The following AAK1 variants were observed in gnomAD, a reference collection of about 807,000 sequenced individuals.
AAK1 encodes the protein AP2 associated kinase 1.
In AAK1, 37 loss-of-function variants were observed where a neutral mutation model predicts 116.0. The observed-to-expected ratio is 0.32, with a 90% CI of 0.25 to 0.42. AAK1 has a LOEUF of 0.42. AAK1 is among the 10% of genes least tolerant of loss of function. The probability of loss-of-function intolerance (pLI) is 1.00; values close to 1 mark genes in which losing one functional copy is unlikely to be tolerated. For synonymous variants in AAK1, 458 were observed against 439.9 expected (o/e 1.04, Z -0.51); for missense variants, 919 against 1,170.6 (o/e 0.79, Z 3.14).
At chr2:69,567,015 A>C (rs1024061845) in intron 2 of AAK1, among the ~76,000 whole-genome samples, 1 of 151,966 alleles carries the variant, frequency 6.6e-6, no homozygotes, top group African/African-American at 2.4e-5. Flanking sequence ...TTAGAATAAA[A>C]CTCCAAATAC....
chr2:69,640,164 T>C (rs1049020619), intron 2 of AAK1, among the ~76,000 whole-genome samples: 3 of 151,948 alleles, frequency 2.0e-5, no homozygotes, highest in Admixed American at 2.0e-4. Flanking sequence ...ATGTTAATTA[T>C]ATATATTGCC....
intron 12 of AAK1, among the ~76,000 whole-genome samples, chr2:69,517,223 A>T (rs965441160): frequency 1.3e-5 from 2 of 152,222 alleles, no homozygotes; most frequent in Non-Finnish European, 2.9e-5. Context: ...GAAAGAATCA[A>T]GTGTTTTTCC....
At position 69,469,681 on chromosome 2, in the gene AAK1, A is replaced by T; in HGVS notation, c.*6188T>A. ...GGCTTCATAGTCTGCACAGGGTCTT[A>T]CTTATCATAGAGCCTAACGTAGGGT... On this transcript the variant is annotated 3_prime_UTR_variant, in exon 22 of 22. Transcript: ENST00000409085. 1 of 985,454 alleles carries T rather than the reference A, an allele frequency of 1.0e-6. No homozygotes were observed. Among genetic ancestry groups the T allele is most frequent in the Non-Finnish European group, 1.2e-6 (1 of 829,940 alleles). 61.0% of individuals were successfully genotyped at this position (985,454 alleles called of 1,614,324 possible).
intron 18 of AAK1, 137 bp downstream of exon 18, chr2:69,482,574 A>T: frequency 6.5e-6 from 5 of 764,910 alleles, no homozygotes; most frequent in Non-Finnish European, 1.2e-5. Flanking sequence ...ATTTGGAGTG[A>T]TACAAGTGAG....
intron 17 of AAK1, among the ~76,000 whole-genome samples, chr2:69,493,356 C>A (rs1675616656): frequency 6.6e-6 from 1 of 151,748 alleles, no homozygotes; most frequent in Non-Finnish European, 1.5e-5. Context: ...TCTCATCAGC[C>A]CAGGGACTGG....
chr2:69,557,636 C>T (rs1370186641), intron 2 of AAK1, among the ~76,000 whole-genome samples: 1 of 152,136 alleles, frequency 6.6e-6, no homozygotes, highest in Non-Finnish European at 1.5e-5. Flanking sequence ...TAACACAGTT[C>T]TGTGAGATTG....
At chr2:69,599,434 T>C (rs974751331) in intron 2 of AAK1, among the ~76,000 whole-genome samples, 2 of 151,792 alleles carry the variant, frequency 1.3e-5, no homozygotes, top group East Asian at 3.9e-4. Flanking sequence ...ATTTCAACTG[T>C]TTTTGGTCAT....
chr2:69,518,169 A>G (rs1025254859), intron 12 of AAK1, among the ~76,000 whole-genome samples: 1 of 152,164 alleles, frequency 6.6e-6, no homozygotes, highest in African/African-American at 2.4e-5. Context: ...CATTCATAGT[A>G]AAAAATGTGA....
At chr2:69,599,379 TAAAAAAAAA>T (rs34685588) in intron 2 of AAK1, among the ~76,000 whole-genome samples, 1 of 103,562 alleles carries the variant, frequency 9.7e-6, no homozygotes, top group Admixed American at 1.0e-4. Flanking sequence ...TAGTTCTGTG[TAAAAAAAAA>T]AAAAAAAAAA....
At chr2:69,581,905 C>T (rs1286173368) in intron 2 of AAK1, among the ~76,000 whole-genome samples, 5 of 151,938 alleles carry the variant, frequency 3.3e-5, no homozygotes, top group Non-Finnish European at 7.4e-5. Context: ...TTGCTTGAGC[C>T]CAGGTGGTTG....
chr2:69,473,613 T>C lies in AAK1; in HGVS notation c.*2256A>G, dbSNP rs1674752719. 1 of 984,614 alleles carries C rather than the reference T, an allele frequency of 1.0e-6. No homozygotes were observed. Among genetic ancestry groups the C allele is most frequent in the Non-Finnish European group, 1.2e-6 (1 of 828,950 alleles). The allele number at this position is 984,614 out of a possible 1,614,324, so 61.0% of individuals were successfully genotyped here. The stretch of plus-strand genomic sequence containing the variant: ...CAAATGACTAGATAATATATTTCAA[T>C]GTAATTATGGGTAATATATGAAAAG... On this transcript the variant is annotated 3_prime_UTR_variant, in exon 22 of 22. Transcript: ENST00000409085.
chr2:69,504,326 A>C (rs2104955875), intron 16 of AAK1, among the ~76,000 whole-genome samples: 1 of 142,222 alleles, frequency 7.0e-6, no homozygotes, highest in African/African-American at 2.6e-5. Flanking sequence ...TGAACCTGGG[A>C]GGCAGAGTTT....
intron 17 of AAK1, among the ~76,000 whole-genome samples, chr2:69,493,309 G>C (rs1383869818): frequency 6.6e-6 from 1 of 151,996 alleles, no homozygotes; most frequent in East Asian, 1.9e-4. Context: ...CACCGTGAAA[G>C]GACGGGGCTA....
intron 2 of AAK1, among the ~76,000 whole-genome samples, chr2:69,625,486 C>G (rs6722140): frequency 3.9e-5 from 6 of 152,188 alleles, no homozygotes; most frequent in Admixed American, 3.3e-4. Flanking sequence ...TAAAAATTAA[C>G]GAACCATAAG....
Position 69,500,698 on chromosome 2 carries a change from T to TATATATACAC in AAK1, c.2270-4619_2270-4618insGTGTATATAT. On this transcript the variant is annotated intron_variant, in intron 16 of 21. Coordinates refer to ENST00000409085, the MANE Select transcript of AAK1 (RefSeq NM_014911.5). ...ATATATATATATATATATATATATATACACACACACACACACACACACACA... is the reference window on the plus strand; with the variant it reads ...ATATATATATATATATATATATATATATATATACACACACACACACACACACACACACACA... 2.8e-3 allele frequency among the ~76,000 whole-genome samples: 183 copies of TATATATACAC among 65,062 alleles called. 3 individuals are homozygous for TATATATACAC. Among genetic ancestry groups the TATATATACAC allele is most frequent in the Admixed American group, 4.4e-3 (21 of 4,810 alleles). The allele number at this position is 65,062 out of a possible 152,430, so 42.7% of individuals were successfully genotyped here.
intron 16 of AAK1, among the ~76,000 whole-genome samples, chr2:69,504,221 A>T (rs1676088083): frequency 6.7e-6 from 1 of 150,202 alleles, no homozygotes; most frequent in Non-Finnish European, 1.5e-5. Context: ...ACATGGTGAA[A>T]CTCCATCTCT....
At chr2:69,579,406 C>T (rs1008598160) in intron 2 of AAK1, among the ~76,000 whole-genome samples, 1 of 152,070 alleles carries the variant, frequency 6.6e-6, no homozygotes, top group African/African-American at 2.4e-5. Flanking sequence ...TGGAGAGACC[C>T]CATCTCTACA....
At chr2:69,524,968 C>T in intron 10 of AAK1, 65 bp downstream of exon 10, 3 of 1,452,930 alleles carry the variant, frequency 2.1e-6, no homozygotes, top group East Asian at 4.5e-5. Context: ...TCAAGAAACA[C>T]AGGCATCATT....
chr2:69,508,311 G>C (rs1676265515), intron 14 of AAK1, among the ~76,000 whole-genome samples: 1 of 152,154 alleles, frequency 6.6e-6, no homozygotes. Context: ...AGCATGCATA[G>C]AGTTAAGGGC....
Sources: allele counts gnomAD v4.1 joint callset (sites outside exome capture counted in the v4.1 genomes callset), GRCh38; gene constraint gnomAD v4.1.1; transcripts MANE v1.5; gene names NCBI Gene and HGNC (gene_info 2026-07-23, HGNC 2026-07-21).